The following MOBP variants were observed in gnomAD, a reference collection of about 807,000 sequenced individuals.
MOBP encodes the protein myelin associated oligodendrocyte basic protein.
MOBP carries 5 observed loss-of-function variants against 15.0 expected under a neutral mutation model. The observed-to-expected ratio is 0.33, with a 90% CI of 0.17 to 0.70. MOBP has a LOEUF of 0.70. MOBP is among the 30% of genes least tolerant of loss of function. The pLI is 0.67. For missense variants in MOBP, 188 were observed against 257.8 expected, an observed-to-expected ratio of 0.73 and a Z score of 1.85; for synonymous variants, 88 against 99.0, an observed-to-expected ratio of 0.89 and a Z score of 0.66.
At chr3:39,495,595 A>G (rs1020247669) in intron 2 of MOBP, among the ~76,000 whole-genome samples, 3 of 150,876 alleles carry the variant, frequency 2.0e-5, no homozygotes, top group African/African-American at 7.3e-5. Context: ...CTACAGAAGA[A>G]AAAAAAAATT....
At chr3:39,472,796 C>T (rs1468713988) in intron 1 of MOBP, among the ~76,000 whole-genome samples, 3 of 152,160 alleles carry the variant, frequency 2.0e-5, no homozygotes, top group Non-Finnish European at 2.9e-5. Flanking sequence ...CGTGGTGGTG[C>T]GTGCCTACAG....
At chr3:39,505,014 T>C (rs150206322), downstream of MOBP, among the ~76,000 whole-genome samples, 12 of 152,378 alleles carry the variant, frequency 7.9e-5, no homozygotes, top group African/African-American at 2.9e-4. Context: ...AAACTGATTG[T>C]ACGATTTCCA....
intron 1 of MOBP, among the ~76,000 whole-genome samples, chr3:39,473,365 G>A (rs747941469): frequency 6.6e-6 from 1 of 152,204 alleles, no homozygotes; most frequent in Non-Finnish European, 1.5e-5. Context: ...GAAGCGCTAA[G>A]GTCTTAGGTC....
chr3:39,519,599 A>AGTT (rs377434903), downstream of MOBP, among the ~76,000 whole-genome samples: 34 of 149,616 alleles, frequency 2.3e-4, no homozygotes, highest in African/African-American at 7.6e-4. Context: ...GTAATCTGCC[A>AGTT]GTTGACTCTT....
At chr3:39,510,689 A>AT (rs141076312) in intron 4 of MOBP, among the ~76,000 whole-genome samples, 7,380 of 152,172 alleles carry the variant, frequency 0.048, 641 homozygotes, top group African/African-American at 0.17. Flanking sequence ...CCTATTCTAG[A>AT]TTTTTTGTGG....
chr3:39,469,521 T>G (rs1014798761), intron 1 of MOBP, among the ~76,000 whole-genome samples: 1 of 152,112 alleles, frequency 6.6e-6, no homozygotes, highest in East Asian at 1.9e-4. Context: ...AAGGAGCGAA[T>G]TGAGAACCAT....
At chr3:39,474,407 C>T (rs2042513911) in intron 1 of MOBP, among the ~76,000 whole-genome samples, 1 of 152,220 alleles carries the variant, frequency 6.6e-6, no homozygotes, top group Non-Finnish European at 1.5e-5. Context: ...ACGATTTAGT[C>T]ATTGTGTGAA....
chr3:39,513,482 C>A, exon 5 of MOBP: 2 of 1,508,968 alleles, frequency 1.3e-6, no homozygotes, highest in Non-Finnish European at 1.8e-6. Flanking sequence ...GCTTCACAAC[C>A]CATCTACCCC....
chr3:39,495,774 A>C (rs1159114817), intron 2 of MOBP, among the ~76,000 whole-genome samples: 1 of 150,114 alleles, frequency 6.7e-6, no homozygotes, highest in East Asian at 1.9e-4. Context: ...AAAAGAAAAG[A>C]AAGAGGAAAA....
At chr3:39,484,014 C>G (rs1189907315) in intron 2 of MOBP, among the ~76,000 whole-genome samples, 1 of 152,194 alleles carries the variant, frequency 6.6e-6, no homozygotes, top group Admixed American at 6.5e-5. Flanking sequence ...CCTGAGGATT[C>G]AGACAGAAAC....
In MOBP at chr3:39,492,525, A is replaced by G. The variant is rs139061632; in HGVS notation, c.-4-9541A>G. ...CCACTTTCTTTCTCAGCCAATATTC[A>G]TCATGGGTTGGGCTTGTAATATCAC... On this transcript the variant is annotated intron_variant, in intron 2 of 3. Coordinates refer to ENST00000684792, the MANE Select transcript of MOBP (RefSeq NM_001393704.1). 1.2e-4 allele frequency among the ~76,000 whole-genome samples: 18 copies of G among 152,310 alleles called. No individual in the cohort carries two copies. The East Asian group carries it at 3.5e-3, about 29-fold the overall frequency.
chr3:39,471,300 T>G (rs1333206767), intron 1 of MOBP, among the ~76,000 whole-genome samples: 1 of 151,990 alleles, frequency 6.6e-6, no homozygotes, highest in Non-Finnish European at 1.5e-5. Flanking sequence ...CAGCTAATTT[T>G]TTGTATTTTT....
At chr3:39,505,146 C>A (rs2043032231), downstream of MOBP, among the ~76,000 whole-genome samples, 1 of 152,164 alleles carries the variant, frequency 6.6e-6, no homozygotes, top group Non-Finnish European at 1.5e-5. Context: ...GTTGTCCTTG[C>A]CTTTGGGTTT....
intron 2 of MOBP, among the ~76,000 whole-genome samples, chr3:39,489,098 A>G (rs1708111): frequency 0.3 from 45,352 of 152,044 alleles, 9,149 homozygotes; most frequent in African/African-American, 0.57. Flanking sequence ...GGTTTCTTGG[A>G]GACATCAAGT....
chr3:39,499,289 A>C (rs1559423032), intron 2 of MOBP, among the ~76,000 whole-genome samples: 1 of 152,210 alleles, frequency 6.6e-6, no homozygotes, highest in Non-Finnish European at 1.5e-5. Context: ...GGGTCTTTGC[A>C]ATGAATCTGA....
intron 2 of MOBP, among the ~76,000 whole-genome samples, chr3:39,489,637 AG>A (rs1575297947): frequency 6.6e-6 from 1 of 152,152 alleles, no homozygotes; most frequent in East Asian, 1.9e-4. Context: ...ATTGCTCTCC[AG>A]GGTACTAATA....
At chr3:39,510,325 T>C (rs1455519316) in intron 4 of MOBP, among the ~76,000 whole-genome samples, 2 of 152,162 alleles carry the variant, frequency 1.3e-5, no homozygotes, top group Non-Finnish European at 2.9e-5. Flanking sequence ...TTTTTTTACT[T>C]TTCCATATAA....
exon 5 of MOBP, chr3:39,513,459 T>C: frequency 6.2e-7 from 1 of 1,604,504 alleles, no homozygotes; most frequent in Non-Finnish European, 8.5e-7. Context: ...CAACCTCGGC[T>C]CCTGGACTCA....
chr3:39,478,959 A>G (rs1166695310), intron 1 of MOBP, among the ~76,000 whole-genome samples: 1 of 151,768 alleles, frequency 6.6e-6, no homozygotes, highest in Non-Finnish European at 1.5e-5. Context: ...CCTCCTGAGT[A>G]GCTGGGATTA....
Sources: gnomAD v4.1 joint callset for allele counts (sites outside exome capture counted in the v4.1 genomes callset) on GRCh38, gnomAD v4.1.1 for gene constraint, MANE v1.5 for transcripts, NCBI Gene and HGNC (gene_info 2026-07-23, HGNC 2026-07-21) for gene names.